Variants in TRIM5 observed in about 807,000 individuals in gnomAD.
The protein encoded by TRIM5 is tripartite motif containing 5.
A neutral mutation model predicts 35.6 loss-of-function variants in TRIM5; 31 were observed. The observed-to-expected ratio is 0.87, with a 90% CI of 0.65 to 1.18. The LOEUF (loss-of-function observed/expected upper bound fraction) is 1.18. Among genes scored for constraint, TRIM5 ranks in the 50% most tolerant of loss-of-function variants. The pLI, the probability that TRIM5 is intolerant of heterozygous loss-of-function variation, is 0.00. For synonymous variants in TRIM5, 243 were observed against 215.6 expected (o/e 1.13, Z -1.11); for missense variants, 609 against 591.6 (o/e 1.03, Z -0.31).
the TRIM5 span, among the ~76,000 whole-genome samples, chr11:5,650,592 A>G: frequency 6.6e-6 from 1 of 152,238 alleles, no homozygotes; most frequent in South Asian, 2.1e-4. Context: ...AGTGAAGACC[A>G]TGCACATGTG....
chr11:5,676,887 A>T (rs1163443053), intron 4 of TRIM5, among the ~76,000 whole-genome samples: 18 of 149,930 alleles, frequency 1.2e-4, no homozygotes, highest in Admixed American at 6.6e-4. Flanking sequence ...TGCTGGGAAA[A>T]CTGGCTAGCC....
At chr11:5,622,772 A>G in the TRIM5 span, among the ~76,000 whole-genome samples, 1 of 152,232 alleles carries the variant, frequency 6.6e-6, no homozygotes, top group African/African-American at 2.4e-5. Context: ...ATGCTTTACT[A>G]TTGTAAATGA....
chr11:5,612,023 C>T, the TRIM5 span: 3 of 152,220 alleles, frequency 2.0e-5, no homozygotes, highest in East Asian at 5.8e-4. Flanking sequence ...AATTGTGTAT[C>T]ATTTTTGTTC....
At chr11:5,673,537 A>C (rs1056284862) in intron 4 of TRIM5, among the ~76,000 whole-genome samples, 8 of 152,180 alleles carry the variant, frequency 5.3e-5, no homozygotes, top group Non-Finnish European at 8.8e-5. Context: ...TATAAAAACC[A>C]TAAAGGATAT....
At chr11:5,599,232 C>A in the TRIM5 span, among the ~76,000 whole-genome samples, 1 of 152,142 alleles carries the variant, frequency 6.6e-6, no homozygotes, top group Non-Finnish European at 1.5e-5. Context: ...GGGACTATTA[C>A]TACATTGCAT....
At chr11:5,618,369 CA>C in the TRIM5 span, among the ~76,000 whole-genome samples, 4 of 152,036 alleles carry the variant, frequency 2.6e-5, no homozygotes, top group African/African-American at 4.8e-5. Flanking sequence ...GACTCCATCT[CA>C]AAAACAAACA....
chr11:5,606,928 G>A, the TRIM5 span, among the ~76,000 whole-genome samples: 1 of 152,218 alleles, frequency 6.6e-6, no homozygotes, highest in Non-Finnish European at 1.5e-5. Context: ...CCAAGGCCGA[G>A]CGCGGTGGCT....
At chr11:5,678,594 A>G (rs1852179230) in intron 3 of TRIM5, among the ~76,000 whole-genome samples, 160 bp from the exon 4 acceptor site, 1 of 152,162 alleles carries the variant, frequency 6.6e-6, no homozygotes, top group Non-Finnish European at 1.5e-5. Context: ...CTTTTCCTTC[A>G]TGACATTTTA....
chr11:5,610,208 A>G, the TRIM5 span: 1 of 1,614,130 alleles, frequency 6.2e-7, no homozygotes, highest in Non-Finnish European at 8.5e-7. Context: ...GTATGTTCCG[A>G]GCCCCAGATC....
chr11:5,657,225 A>G, the TRIM5 span, among the ~76,000 whole-genome samples: 1 of 151,892 alleles, frequency 6.6e-6, no homozygotes, highest in South Asian at 2.1e-4. Context: ...AAAACCAAAC[A>G]CTGCATGTTC....
the TRIM5 span, chr11:5,608,308 G>A: frequency 6.2e-7 from 1 of 1,604,688 alleles, no homozygotes; most frequent in Non-Finnish European, 8.5e-7. Context: ...GGACATGGAA[G>A]GAGAAATGTG....
the TRIM5 span, among the ~76,000 whole-genome samples, chr11:5,599,886 ATAGAGCCTCTATTGCCTC>A: frequency 1.1e-4 from 16 of 152,168 alleles, no homozygotes; most frequent in Admixed American, 4.6e-4. Flanking sequence ...TGGAAGATAA[ATAGAGCCTCTATTGCCTC>A]TAGAGCCTCT....
At chr11:5,631,957 C>G in the TRIM5 span, among the ~76,000 whole-genome samples, 1 of 152,114 alleles carries the variant, frequency 6.6e-6, no homozygotes, top group Non-Finnish European at 1.5e-5. Flanking sequence ...TTGTGCTGTA[C>G]TTAAGTTTGT....
intron 4 of TRIM5, among the ~76,000 whole-genome samples, chr11:5,674,055 G>T (rs969253478): frequency 7.2e-5 from 11 of 151,840 alleles, no homozygotes; most frequent in African/African-American, 9.7e-5. Flanking sequence ...ATACAGAAAG[G>T]TTAAAAAAAG....
chr11:5,672,869 G>C (rs1326732965), intron 4 of TRIM5, among the ~76,000 whole-genome samples: 1 of 152,080 alleles, frequency 6.6e-6, no homozygotes, highest in Non-Finnish European at 1.5e-5. Flanking sequence ...GGCTGTGATA[G>C]GACAAGATGC....
At chr11:5,661,591 C>A (rs1023307016), downstream of TRIM5, among the ~76,000 whole-genome samples, 3 of 152,150 alleles carry the variant, frequency 2.0e-5, no homozygotes, top group African/African-American at 4.8e-5. Flanking sequence ...CAGCATAGAT[C>A]TGAAGTCTCA....
chr11:5,637,629 A>G, the TRIM5 span, among the ~76,000 whole-genome samples: 2 of 152,280 alleles, frequency 1.3e-5, no homozygotes, highest in East Asian at 3.9e-4. Flanking sequence ...GGCACATTCA[A>G]TTCCATGGCA....
chr11:5,609,709 T>G, the TRIM5 span, among the ~76,000 whole-genome samples: 2 of 152,062 alleles, frequency 1.3e-5, no homozygotes, highest in Non-Finnish European at 2.9e-5. Context: ...GATCACGAGG[T>G]CAGGAGATCA....
chr11:5,629,399 G>A, the TRIM5 span, among the ~76,000 whole-genome samples: 2 of 152,176 alleles, frequency 1.3e-5, no homozygotes, highest in Non-Finnish European at 1.5e-5. Flanking sequence ...TCACATAAGT[G>A]AACAATTTTT....
Sources: gnomAD v4.1 joint callset for allele counts (sites outside exome capture counted in the v4.1 genomes callset) on GRCh38, gnomAD v4.1.1 for gene constraint, MANE v1.5 for transcripts, NCBI Gene and HGNC (gene_info 2026-07-23, HGNC 2026-07-21) for gene names.